The following IL1RAP variants were observed in gnomAD, a reference collection of about 807,000 sequenced individuals.
IL1RAP encodes interleukin 1 receptor accessory protein, also known as interleukin-1 receptor accessory protein.
A neutral mutation model predicts 60.7 loss-of-function variants in IL1RAP; 35 were observed. The observed-to-expected ratio is 0.58, with a 90% CI of 0.44 to 0.76. The LOEUF (loss-of-function observed/expected upper bound fraction) is 0.76, where lower values mean the gene tolerates loss of function less well. Ranked by LOEUF, IL1RAP falls within the 30% of genes least tolerant of loss-of-function variation. IL1RAP has a pLI of 0.00. For missense variants in IL1RAP, 572 were observed against 693.9 expected, an observed-to-expected ratio of 0.82 and a Z score of 1.97; for synonymous variants, 268 against 250.9, an observed-to-expected ratio of 1.07 and a Z score of -0.64.
At chr3:190,612,267 A>T (rs1730884420) in intron 5 of IL1RAP, among the ~76,000 whole-genome samples, 1 of 152,240 alleles carries the variant, frequency 6.6e-6, no homozygotes, top group Middle Eastern at 3.4e-3. Flanking sequence ...AAAGATGGTT[A>T]AAAAATAATA....
chr3:190,652,238 TGGATCAAGA>T (rs1318308536), downstream of IL1RAP, among the ~76,000 whole-genome samples: 2 of 151,340 alleles, frequency 1.3e-5, no homozygotes, highest in Non-Finnish European at 2.9e-5. Context: ...CTGAAGCGGA[TGGATCAAGA>T]GGTCAGGAGA....
At chr3:190,574,240 T>C (rs2108656614) in intron 3 of IL1RAP, among the ~76,000 whole-genome samples, 1 of 152,194 alleles carries the variant, frequency 6.6e-6, no homozygotes, top group South Asian at 2.1e-4. Context: ...AATTTCAAGG[T>C]GATTTGCTTC....
chr3:190,632,101 C>G (rs1390635307), intron 9 of IL1RAP, among the ~76,000 whole-genome samples: 1 of 152,120 alleles, frequency 6.6e-6, no homozygotes, highest in Non-Finnish European at 1.5e-5. Context: ...CCACGCCCAG[C>G]TCATTGTTTT....
rs1423864999 is a variant in IL1RAP at position 190,656,542 on chromosome 3, A to G, written c.1999A>G (p.Ile667Val). Residue 667 changes from isoleucine (I) to valine (V), a missense_variant, in exon 12 of 12, where the codon ATC becomes GTC. Ile to Val is a conservative substitution (Grantham distance 29, BLOSUM62 3). Coordinates refer to the IL1RAP transcript ENST00000317757. ...CAGATTGGAACCCCCTGCTCCCCAG[A>G]TCTCAGCCCTTGCTCTTCATCATTT... is the stretch of plus-strand genomic sequence containing the variant. The G allele has an allele frequency of 3.3e-6, 5 of 1,537,032 alleles. No individual in the cohort carries two copies. In the East Asian group the frequency reaches 1.2e-4, roughly 38 times the overall value.
chr3:190,653,565 G>GA (rs201568842), downstream of IL1RAP, among the ~76,000 whole-genome samples: 51 of 144,916 alleles, frequency 3.5e-4, 1 homozygote, highest in Middle Eastern at 3.6e-3. Context: ...ATCCAGAGGA[G>GA]AAAAAAAAAA....
At chr3:190,658,437 A>G (rs1415190964) in exon 12 of IL1RAP, 1 of 152,200 alleles carries the variant, frequency 6.6e-6, no homozygotes, top group Non-Finnish European at 1.5e-5. Flanking sequence ...GGCTGTTACA[A>G]TTGAGCTGAT....
intron 3 of IL1RAP, among the ~76,000 whole-genome samples, chr3:190,577,442 C>G (rs112998423): frequency 6.6e-6 from 1 of 152,072 alleles, no homozygotes; most frequent in Non-Finnish European, 1.5e-5. Context: ...ATTGGTAAAC[C>G]GATGCTAGAA....
chr3:190,519,249 G>C (rs1389140574), intron 1 of IL1RAP, among the ~76,000 whole-genome samples: 2 of 152,110 alleles, frequency 1.3e-5, no homozygotes, highest in African/African-American at 4.8e-5. Context: ...AGCTAAAATG[G>C]AGAAAGGGGA....
intron 11 of IL1RAP, among the ~76,000 whole-genome samples, chr3:190,647,603 A>G (rs1560244304): frequency 6.6e-6 from 1 of 152,186 alleles, no homozygotes; most frequent in Non-Finnish European, 1.5e-5. Flanking sequence ...AGCTGCCGAA[A>G]CACATAGCTT....
chr3:190,543,176 A>G (rs559366118), intron 1 of IL1RAP, among the ~76,000 whole-genome samples: 1 of 152,238 alleles, frequency 6.6e-6, no homozygotes, highest in African/African-American at 2.4e-5. Context: ...TCTGTTGAAC[A>G]TGCCTTGCCT....
chr3:190,644,494 C>T, intron 10 of IL1RAP, 97 bp downstream of exon 10: 1 of 930,674 alleles, frequency 1.1e-6, no homozygotes. Flanking sequence ...ATTTGAAAAA[C>T]CTAGATTAAC....
At chr3:190,531,270 T>TA (rs961467452) in intron 1 of IL1RAP, among the ~76,000 whole-genome samples, 2 of 151,738 alleles carry the variant, frequency 1.3e-5, no homozygotes, top group Admixed American at 6.6e-5. Flanking sequence ...TAATAATAAT[T>TA]AAAAAAAATC....
intron 1 of IL1RAP, among the ~76,000 whole-genome samples, chr3:190,534,222 G>T (rs1464076498): frequency 1.3e-5 from 2 of 151,778 alleles, no homozygotes; most frequent in Non-Finnish European, 2.9e-5. Context: ...TAAATAAGAT[G>T]ATCTTTCCCC....
intron 5 of IL1RAP, 41 bp from the exon 6 acceptor site, chr3:190,620,234 G>A (rs774043476): frequency 6.1e-6 from 7 of 1,149,054 alleles, no homozygotes; most frequent in Non-Finnish European, 7.3e-6. Flanking sequence ...TTCTATGCAT[G>A]TATCTAAAAA....
Position 190,577,103 on chromosome 3 carries a change from A to G in IL1RAP, c.64+12750A>G, listed in dbSNP as rs1005860567. ...GCGACAGAGCGAGACTCCGTCTCAA[A>G]AAAAAAAAAAAAAAAAAAGGATTGT... On this transcript the variant is annotated intron_variant, in intron 3 of 11. Transcript: ENST00000447382. Among the ~76,000 whole-genome samples, 5 of 88,902 alleles carry G rather than the reference A, an allele frequency of 5.6e-5. No individual in the cohort carries two copies. The Middle Eastern group carries it at 0.016, about 290-fold the overall frequency. The allele number at this position is 88,902 out of a possible 152,430, so 58.3% of individuals were successfully genotyped here.
In IL1RAP at chr3:190,629,587, C is replaced by G. The variant is rs1732606566; in HGVS notation, c.1051+89C>G. 2.7e-6 allele frequency: 4 copies of G among 1,489,480 alleles called. No individual in the cohort carries two copies. In the South Asian group the frequency reaches 5.7e-5, roughly 21 times the overall value. 92.3% of individuals were successfully genotyped at this position (1,489,480 alleles called of 1,614,324 possible). On this transcript the variant is annotated intron_variant, in intron 9 of 11. Transcript: ENST00000447382. ...AAAGGAGAGATTGAGAACAAGAGAG[C>G]TCCAGCACCTAGCCCGACGGCATCT...
At chr3:190,557,723 T>G (rs1026135805) in intron 2 of IL1RAP, among the ~76,000 whole-genome samples, 1 of 152,204 alleles carries the variant, frequency 6.6e-6, no homozygotes, top group South Asian at 2.1e-4. Context: ...TTCTTTAAAC[T>G]GTCAAAAAGG....
At chr3:190,586,261 G>A (rs1445103392) in intron 3 of IL1RAP, among the ~76,000 whole-genome samples, 1 of 152,224 alleles carries the variant, frequency 6.6e-6, no homozygotes, top group East Asian at 1.9e-4. Context: ...TCTTGACAGT[G>A]AGATCTTTGA....
chr3:190,600,109 A>G (rs1729730422), intron 3 of IL1RAP, among the ~76,000 whole-genome samples: 1 of 152,180 alleles, frequency 6.6e-6, no homozygotes, highest in South Asian at 2.1e-4. Flanking sequence ...GAAGTGATTA[A>G]GAAGCTGATT....
Sources: gnomAD v4.1 joint callset for allele counts (sites outside exome capture counted in the v4.1 genomes callset) on GRCh38, gnomAD v4.1.1 for gene constraint, MANE v1.5 for transcripts, NCBI Gene and HGNC (gene_info 2026-07-23, HGNC 2026-07-21) for gene names.